The following UMAD1 variants were observed in gnomAD, a reference collection of about 807,000 sequenced individuals.
UMAD1 encodes UBAP1-MVB12-associated (UMA) domain containing 1.
A neutral mutation model predicts 6.1 loss-of-function variants in UMAD1; 8 were observed. The observed-to-expected ratio is 1.30, with a 90% CI of 0.76 to 2.35. The LOEUF (loss-of-function observed/expected upper bound fraction) is 2.35, where lower values mean the gene tolerates loss of function less well. UMAD1 is among the 30% of genes most tolerant of loss of function. The pLI is 0.00. For missense variants in UMAD1, 130 were observed against 78.4 expected (o/e 1.66, Z -2.49); for synonymous variants, 56 against 31.4 (o/e 1.78, Z -2.61).
chr7:7,850,864 A>G (rs2115324187), intron 3 of UMAD1, among the ~76,000 whole-genome samples: 1 of 152,290 alleles, frequency 6.6e-6, no homozygotes, highest in South Asian at 2.1e-4. Context: ...AGTAGAATAT[A>G]CATTTCTTTT....
At chr7:7,661,598 C>T (rs1785475728) in intron 1 of UMAD1, among the ~76,000 whole-genome samples, 1 of 152,154 alleles carries the variant, frequency 6.6e-6, no homozygotes, top group African/African-American at 2.4e-5. Flanking sequence ...GCTGGAGGTC[C>T]AGTCGAGACC....
intron 2 of UMAD1, among the ~76,000 whole-genome samples, chr7:7,782,870 C>T (rs192264396): frequency 2.4e-4 from 37 of 152,050 alleles, no homozygotes; most frequent in Non-Finnish European, 4.7e-4. Context: ...GCTGGGACTA[C>T]AGATGCACGC....
At chr7:7,840,138 G>C (rs573551753) in intron 3 of UMAD1, among the ~76,000 whole-genome samples, 1 of 152,320 alleles carries the variant, frequency 6.6e-6, no homozygotes, top group East Asian at 1.9e-4. Flanking sequence ...AATTGGCAGA[G>C]TGTAGCTTCC....
chr7:7,665,005 A>G (rs1779401434), intron 1 of UMAD1, among the ~76,000 whole-genome samples: 1 of 134,816 alleles, frequency 7.4e-6, no homozygotes, highest in Admixed American at 7.4e-5. Context: ...ATATATAGAT[A>G]TATATATATA....
intron 2 of UMAD1, among the ~76,000 whole-genome samples, chr7:7,789,384 C>T (rs1782521123): frequency 6.8e-6 from 1 of 147,104 alleles, no homozygotes; most frequent in Admixed American, 6.6e-5. Flanking sequence ...TGTATGAAAA[C>T]AATTGTTAGA....
At chr7:7,721,605 C>T (rs889070629) in intron 2 of UMAD1, among the ~76,000 whole-genome samples, 1 of 152,138 alleles carries the variant, frequency 6.6e-6, no homozygotes, top group African/African-American at 2.4e-5. Context: ...TGATCTTCTA[C>T]TGGAATGAAA....
At position 7,847,099 on chromosome 7, in the gene UMAD1, AAAAAAATATATATATATATATATAT is replaced by A. The variant is rs1315766468; in HGVS notation, c.157-30180_157-30156del. On this transcript the variant is annotated intron_variant, in intron 3 of 3. Transcript: ENST00000682710. The stretch of plus-strand genomic sequence containing the variant: ...AAAGACAGCAATGCAAAAAAAAAAA[AAAAAAATATATATATATATATATAT>A]ATATATATATATATATATATATATA... Among the ~76,000 whole-genome samples the A allele has an allele frequency of 6.3e-4, 28 of 44,548 alleles. 1 individual carries two copies. Among genetic ancestry groups the A allele is most frequent in the East Asian group, 3.6e-3 (5 of 1,394 alleles). The allele number at this position is 44,548 out of a possible 152,430, so 29.2% of individuals were successfully genotyped here.
At chr7:7,835,500 T>TTTTTTTTTTTTTTTA (rs776524699) in intron 3 of UMAD1, among the ~76,000 whole-genome samples, 4 of 102,496 alleles carry the variant, frequency 3.9e-5, no homozygotes, top group Non-Finnish European at 7.9e-5. Context: ...TTTTTTTTTT[T>TTTTTTTTTTTTTTTA]AGCTCTTAGC....
chr7:7,870,423 T>C (rs1362451018), intron 3 of UMAD1, among the ~76,000 whole-genome samples: 4 of 152,378 alleles, frequency 2.6e-5, no homozygotes, highest in Non-Finnish European at 5.9e-5. Flanking sequence ...ATTAATTTTC[T>C]GAAATTTGGC....
rs536109381 is a variant in UMAD1, at chr7:7,739,959, T to C, written c.83-61711T>C. ...TCAGCATCCTTGCTACCTGTGTCAA[T>C]GGGGAAAATAGGAAGGCAGCTTAAA... On this transcript the variant is annotated intron_variant, in intron 2 of 3. Coordinates refer to ENST00000682710, the MANE Select transcript of UMAD1 (RefSeq NM_001302348.2). Among the ~76,000 whole-genome samples the C allele has an allele frequency of 2.1e-3, 320 of 152,338 alleles. 2 individuals carry two copies. The highest frequency in any genetic ancestry group is 6.8e-3 in the Middle Eastern group (2 of 294).
intron 1 of UMAD1, among the ~76,000 whole-genome samples, chr7:7,671,197 A>G (rs1332843088): frequency 6.6e-6 from 1 of 152,226 alleles, no homozygotes; most frequent in African/African-American, 2.4e-5. Context: ...ACTTAACTTT[A>G]GTCAGCTTCG....
At chr7:7,661,864 G>A (rs1158988633) in intron 1 of UMAD1, among the ~76,000 whole-genome samples, 1 of 152,196 alleles carries the variant, frequency 6.6e-6, no homozygotes, top group African/African-American at 2.4e-5. Flanking sequence ...TTTCTTCAGA[G>A]CTGGCAGGCA....
chr7:7,783,437 C>T (rs569186450), intron 2 of UMAD1, among the ~76,000 whole-genome samples: 2 of 150,918 alleles, frequency 1.3e-5, no homozygotes, highest in South Asian at 2.1e-4. Context: ...AGATGCTGCA[C>T]GGTTTGTGTC....
chr7:7,673,570 G>A, intron 2 of UMAD1, 117 bp downstream of exon 2: 1 of 623,320 alleles, frequency 1.6e-6, no homozygotes, highest in Non-Finnish European at 2.8e-6. Context: ...TAATTTATGT[G>A]TTTAATTTTT....
intron 3 of UMAD1, among the ~76,000 whole-genome samples, chr7:7,827,469 G>A (rs1783371593): frequency 6.6e-6 from 1 of 151,832 alleles, no homozygotes; most frequent in African/African-American, 2.4e-5. Context: ...AATATTTTTA[G>A]TATTTTAAAA....
At chr7:7,758,185 G>A (rs1481240991) in intron 2 of UMAD1, among the ~76,000 whole-genome samples, 5 of 151,912 alleles carry the variant, frequency 3.3e-5, no homozygotes, top group Non-Finnish European at 5.9e-5. Context: ...CTATGGTTAC[G>A]GGCATGAGCC....
chr7:7,876,253 C>G (rs1784417343), intron 3 of UMAD1, among the ~76,000 whole-genome samples: 1 of 152,092 alleles, frequency 6.6e-6, no homozygotes, highest in Admixed American at 6.5e-5. Context: ...CACGAGCAAG[C>G]ACTTGCAAGG....
chr7:7,695,997 T>C (rs1392562795), intron 2 of UMAD1, among the ~76,000 whole-genome samples: 2 of 149,772 alleles, frequency 1.3e-5, no homozygotes, highest in South Asian at 4.2e-4. Flanking sequence ...TTTTTTTTTT[T>C]CTGATAAACT....
chr7:7,784,480 C>T (rs1211220664), intron 2 of UMAD1, among the ~76,000 whole-genome samples: 3 of 151,176 alleles, frequency 2.0e-5, no homozygotes, highest in Non-Finnish European at 4.4e-5. Flanking sequence ...GGGCTACAGG[C>T]ACCTGCCACC....
Sources: allele counts gnomAD v4.1 joint callset (sites outside exome capture counted in the v4.1 genomes callset), GRCh38; gene constraint gnomAD v4.1.1; transcripts MANE v1.5; gene names NCBI Gene and HGNC (gene_info 2026-07-23, HGNC 2026-07-21).